The following TP53BP1 variants were observed in gnomAD, a reference collection of about 807,000 sequenced individuals.
TP53BP1 encodes the protein tumor protein p53 binding protein 1.
In TP53BP1, 61 loss-of-function variants were observed where a neutral mutation model predicts 200.8. The observed-to-expected ratio is 0.30, with a 90% CI of 0.25 to 0.38. TP53BP1 has a LOEUF of 0.38. Among genes scored for constraint, TP53BP1 ranks in the 10% least tolerant of loss-of-function variants. The probability of loss-of-function intolerance (pLI) is 1.00; values close to 1 mark genes in which losing one functional copy is unlikely to be tolerated. For synonymous variants in TP53BP1, 822 were observed against 844.3 expected, an observed-to-expected ratio of 0.97 and a Z score of 0.46; for missense variants, 2,144 against 2,371.9, an observed-to-expected ratio of 0.90 and a Z score of 2.00.
intron 12 of TP53BP1, among the ~76,000 whole-genome samples, 160 bp from the exon 13 acceptor site, chr15:43,447,645 C>T (rs1198492473): frequency 6.6e-6 from 1 of 152,140 alleles, no homozygotes; most frequent in Non-Finnish European, 1.5e-5. Context: ...CCTCACCAGG[C>T]CTCCTGACTA....
Position 43,407,127 on chromosome 15 carries a change from T to TAA in TP53BP1, c.*254_*255dup. On this transcript the variant is annotated 3_prime_UTR_variant, in exon 28 of 28. Coordinates refer to ENST00000382044, the MANE Select transcript of TP53BP1 (RefSeq NM_001141980.3). The stretch of plus-strand genomic sequence containing the variant: ...TGGCCAGCTGTCCTCCGTAAGTGAA[T>TAA]AAGCCTGTTGAAAGACTCAGAGAAA... The TAA allele has an allele frequency of 2.4e-6, 1 of 416,618 alleles. No individual in the cohort carries two copies. The highest frequency in any genetic ancestry group is 4.4e-6 in the Non-Finnish European group (1 of 229,092). 25.8% of individuals were successfully genotyped at this position (416,618 alleles called of 1,614,324 possible).
At chr15:43,474,002 T>C (rs1388414903) in intron 10 of TP53BP1, among the ~76,000 whole-genome samples, 1 of 152,180 alleles carries the variant, frequency 6.6e-6, no homozygotes, top group African/African-American at 2.4e-5. Context: ...GGGCTGCAGG[T>C]CCCGAGTCCT....
chr15:43,434,045 G>C (rs1375985303), intron 16 of TP53BP1, among the ~76,000 whole-genome samples: 1 of 152,172 alleles, frequency 6.6e-6, no homozygotes, highest in Non-Finnish European at 1.5e-5. Flanking sequence ...AGCTCAAAGA[G>C]GGATTTCAAA....
At chr15:43,466,836 AACAG>A (rs1388925576) in intron 11 of TP53BP1, among the ~76,000 whole-genome samples, 5 of 152,198 alleles carry the variant, frequency 3.3e-5, no homozygotes, top group Non-Finnish European at 7.3e-5. Context: ...CAGCCTGAGC[AACAG>A]GTCAAGACCC....
At chr15:43,479,014 C>T (rs1239161915) in intron 7 of TP53BP1, among the ~76,000 whole-genome samples, 1 of 152,158 alleles carries the variant, frequency 6.6e-6, no homozygotes, top group African/African-American at 2.4e-5. Context: ...AGTTCGAGAC[C>T]AGCTTGAGCA....
At chr15:43,418,298 G>C (rs1264109605) in intron 21 of TP53BP1, among the ~76,000 whole-genome samples, 1 of 151,304 alleles carries the variant, frequency 6.6e-6, no homozygotes, top group African/African-American at 2.4e-5. Context: ...GGGAGTTCGA[G>C]ACCAGCCTGG....
intron 23 of TP53BP1, among the ~76,000 whole-genome samples, chr15:43,414,415 G>C (rs1320997450): frequency 1.3e-5 from 2 of 152,126 alleles, no homozygotes; most frequent in Non-Finnish European, 2.9e-5. Context: ...GCAGCAGTTG[G>C]GTAGATAAGG....
chr15:43,482,313 C>A (rs575157398), intron 4 of TP53BP1, among the ~76,000 whole-genome samples: 1 of 152,146 alleles, frequency 6.6e-6, no homozygotes, highest in South Asian at 2.1e-4. Context: ...ATTTCACAAT[C>A]TATTAATAAC....
At chr15:43,482,326 A>G (rs776503449) in intron 4 of TP53BP1, among the ~76,000 whole-genome samples, 4 of 152,058 alleles carry the variant, frequency 2.6e-5, no homozygotes, top group African/African-American at 7.2e-5. Context: ...TTAATAACAT[A>G]TATCACCGTT....
chr15:43,456,574 T>C lies in TP53BP1; in HGVS notation c.2034A>G (p.Glu678=), dbSNP rs1212439793. The C allele has an allele frequency of 6.2e-7, 1 of 1,613,790 alleles. No homozygotes were observed. Among genetic ancestry groups the C allele is most frequent in the Admixed American group, 1.7e-5 (1 of 59,934 alleles). The part of the protein sequence containing the change: ...EVEEIPETPC[E]SQGEELKEEN... ...CTTCTTTGAGTTCCTCTCCTTGACT[T>C]TCACAAGGTGTCTCAGGGATTTCTT... Residue 678 remains glutamate, a synonymous_variant, in exon 12 of 28, where the codon GAA becomes GAG. Coordinates refer to ENST00000382044, the MANE Select transcript of TP53BP1 (RefSeq NM_001141980.3).
At chr15:43,453,112 T>G (rs573026318) in intron 12 of TP53BP1, among the ~76,000 whole-genome samples, 1 of 135,422 alleles carries the variant, frequency 7.4e-6, no homozygotes, top group South Asian at 2.3e-4. Context: ...GAGAATGGCA[T>G]GAACCCAAGA....
chr15:43,457,342 TA>T, intron 11 of TP53BP1, 124 bp from the exon 12 acceptor site: 1 of 908,898 alleles, frequency 1.1e-6, no homozygotes, highest in Non-Finnish European at 1.6e-6. Context: ...TAAATTCATA[TA>T]AAATTTCTAA....
chr15:43,412,999 T>A lies in TP53BP1; in HGVS notation c.5305+120A>T, dbSNP rs1036902667. ...TACAGAGTAATTTCTGTGACCAAGA[T>A]CCCAGTTGCTACTTGCCTTGCCTCC... On this transcript the variant is annotated intron_variant, in intron 24 of 27. Coordinates refer to ENST00000382044, the MANE Select transcript of TP53BP1 (RefSeq NM_001141980.3). 1.7e-5 allele frequency: 15 copies of A among 866,742 alleles called. No individual in the cohort carries two copies. In the Admixed American group the frequency reaches 3.7e-4, roughly 21 times the overall value. The allele number at this position is 866,742 out of a possible 1,614,324, so 53.7% of individuals were successfully genotyped here.
chr15:43,441,324 C>T, intron 15 of TP53BP1: 1 of 480,070 alleles, frequency 2.1e-6, no homozygotes, highest in South Asian at 3.7e-5. Context: ...TATCTTAGTT[C>T]TAGGTGTAGA....
intron 18 of TP53BP1, 65 bp downstream of exon 18, chr15:43,427,949 CCT>C (rs1180852922): frequency 8.5e-7 from 1 of 1,172,396 alleles, no homozygotes; most frequent in East Asian, 2.4e-5. Flanking sequence ...AAAGTAAGAC[CCT>C]GTCTCCAAAA....
At chr15:43,414,588 G>C (rs2045215232) in intron 23 of TP53BP1, among the ~76,000 whole-genome samples, 1 of 152,136 alleles carries the variant, frequency 6.6e-6, no homozygotes, top group South Asian at 2.1e-4. Flanking sequence ...CTGGGCCTGG[G>C]TCACAGTAGG....
chr15:43,468,366 G>A (rs2046639508), intron 11 of TP53BP1, among the ~76,000 whole-genome samples: 1 of 152,020 alleles, frequency 6.6e-6, no homozygotes, highest in African/African-American at 2.4e-5. Context: ...GCAACATAGT[G>A]ATACCCCGTC....
At chr15:43,477,299 C>CAA (rs59711190) in intron 8 of TP53BP1, among the ~76,000 whole-genome samples, 62 of 99,414 alleles carry the variant, frequency 6.2e-4, no homozygotes, top group African/African-American at 1.2e-3. Flanking sequence ...GACTCCATCT[C>CAA]AAAAAAAAAA....
At chr15:43,424,943 T>C (rs1195202235) in intron 18 of TP53BP1, among the ~76,000 whole-genome samples, 1 of 152,150 alleles carries the variant, frequency 6.6e-6, no homozygotes. Context: ...TTAACGGAAT[T>C]ACGAGCTAAC....
Sources: gnomAD v4.1 joint callset for allele counts (sites outside exome capture counted in the v4.1 genomes callset) on GRCh38, gnomAD v4.1.1 for gene constraint, MANE v1.5 for transcripts, NCBI Gene and HGNC (gene_info 2026-07-23, HGNC 2026-07-21) for gene names.